Variants in CTNNA3 observed in about 807,000 individuals in gnomAD.
CTNNA3 encodes the protein catenin alpha-3.
CTNNA3 carries 76 observed loss-of-function variants against 95.7 expected under a neutral mutation model. That is an observed-to-expected ratio of 0.79 (90% CI 0.66 to 0.96). The LOEUF is 0.96. CTNNA3 is among the 40% of genes least tolerant of loss of function. The pLI is 0.00. For missense variants in CTNNA3, 1,191 were observed against 1,089.8 expected, an observed-to-expected ratio of 1.09 and a Z score of -1.31; for synonymous variants, 431 against 374.4, an observed-to-expected ratio of 1.15 and a Z score of -1.74.
At chr10:67,507,993 G>T (rs762029142) in intron 5 of CTNNA3, among the ~76,000 whole-genome samples, 11 of 152,238 alleles carry the variant, frequency 7.2e-5, no homozygotes, top group Middle Eastern at 3.4e-3. Flanking sequence ...AGATATAGAA[G>T]GAATGTATTT....
chr10:67,179,698 A>C (rs932567737), intron 7 of CTNNA3, among the ~76,000 whole-genome samples: 1 of 151,898 alleles, frequency 6.6e-6, no homozygotes, highest in African/African-American at 2.4e-5. Context: ...GCATGGTAAC[A>C]CACCTGTAGT....
chr10:67,649,913 C>A (rs1348548346), intron 1 of CTNNA3, among the ~76,000 whole-genome samples: 1 of 152,176 alleles, frequency 6.6e-6, no homozygotes, highest in East Asian at 1.9e-4. Context: ...GATCTCGGCT[C>A]ACCACAACCT....
At chr10:67,283,234 A>C (rs186047585) in intron 5 of CTNNA3, among the ~76,000 whole-genome samples, 1 of 152,318 alleles carries the variant, frequency 6.6e-6, no homozygotes, top group Non-Finnish European at 1.5e-5. Flanking sequence ...GGTGATGGTA[A>C]GGTGGTTGTT....
intron 12 of CTNNA3, among the ~76,000 whole-genome samples, chr10:66,330,514 A>G (rs2092312125): frequency 1.3e-5 from 2 of 152,106 alleles, no homozygotes; most frequent in Admixed American, 6.5e-5. Context: ...TATTGGGAAT[A>G]GTGCCACAGT....
At position 67,352,729 on chromosome 10, in the gene CTNNA3, G is replaced by A. The variant is rs562989466; in HGVS notation, c.580-132859C>T. On this transcript the variant is annotated intron_variant, in intron 5 of 17. Coordinates refer to ENST00000433211, the MANE Select transcript of CTNNA3 (RefSeq NM_013266.4). Reference sequence around the variant, plus strand: ...CAACGGATTAAACAAGTAAAAGTAAGCATTCCGAAATAATGGAACTCCTAC... The same window carrying A: ...CAACGGATTAAACAAGTAAAAGTAAACATTCCGAAATAATGGAACTCCTAC... 1.8e-4 allele frequency among the ~76,000 whole-genome samples: 27 copies of A among 152,034 alleles called. 1 individual carries two copies. Among genetic ancestry groups the A allele is most frequent in the African/African-American group, 6.3e-4 (26 of 41,544 alleles).
At chr10:67,751,545 C>A (rs979610793) in intron 1 of CTNNA3, among the ~76,000 whole-genome samples, 2 of 146,274 alleles carry the variant, frequency 1.4e-5, no homozygotes, top group Non-Finnish European at 3.0e-5. Flanking sequence ...AAATAATGAT[C>A]GTAAAAAAAA....
intron 9 of CTNNA3, among the ~76,000 whole-genome samples, chr10:66,737,528 G>A (rs1266371582): frequency 6.6e-6 from 1 of 152,100 alleles, no homozygotes; most frequent in Non-Finnish European, 1.5e-5. Context: ...TTTCAAGAAT[G>A]TCTTCACATA....
At chr10:66,233,122 T>A (rs1304572905) in intron 13 of CTNNA3, among the ~76,000 whole-genome samples, 1 of 128,624 alleles carries the variant, frequency 7.8e-6, no homozygotes, top group African/African-American at 3.1e-5. Context: ...ATCGCGCCAC[T>A]GCACTCCAGC....
At chr10:66,801,615 T>C (rs1841434378) in intron 7 of CTNNA3, among the ~76,000 whole-genome samples, 1 of 151,584 alleles carries the variant, frequency 6.6e-6, no homozygotes, top group African/African-American at 2.4e-5. Flanking sequence ...AGCAGTCAAA[T>C]AAATAGATCC....
At chr10:67,611,437 C>G (rs902870362) in intron 2 of CTNNA3, among the ~76,000 whole-genome samples, 33 of 152,286 alleles carry the variant, frequency 2.2e-4, no homozygotes, top group African/African-American at 7.7e-4. Flanking sequence ...CCTCAGCCTC[C>G]CAAGTAGCTG....
intron 11 of CTNNA3, among the ~76,000 whole-genome samples, chr10:66,420,833 ATAAAT>A (rs1023636891): frequency 1.3e-5 from 1 of 77,356 alleles, no homozygotes; most frequent in African/African-American, 5.1e-5. Context: ...AAATAAATAA[ATAAAT>A]AAAAAACAAT....
At chr10:66,570,798 C>A (rs1010976774) in intron 10 of CTNNA3, among the ~76,000 whole-genome samples, 2 of 151,962 alleles carry the variant, frequency 1.3e-5, no homozygotes, top group Admixed American at 6.6e-5. Context: ...GAGACATATC[C>A]TTTATCCTCT....
chr10:66,515,329 G>GTCTCTCTCTCTCTC (rs373915427), intron 11 of CTNNA3, among the ~76,000 whole-genome samples: 3 of 128,026 alleles, frequency 2.3e-5, no homozygotes, highest in African/African-American at 5.9e-5. Context: ...CTCCCTCTCT[G>GTCTCTCTCTCTCTC]TCTCTCTCTC....
At chr10:67,613,373 GA>G (rs377684900) in intron 2 of CTNNA3, among the ~76,000 whole-genome samples, 1,838 of 139,040 alleles carry the variant, frequency 0.013, 23 homozygotes, top group African/African-American at 0.04. Flanking sequence ...TTTACTGGAT[GA>G]AAAAAAAAAA....
intron 7 of CTNNA3, among the ~76,000 whole-genome samples, chr10:67,030,601 G>A (rs1409732116): frequency 1.3e-5 from 2 of 151,896 alleles, no homozygotes; most frequent in African/African-American, 4.8e-5. Flanking sequence ...ATCTGATTTT[G>A]CATATTTTCA....
Position 66,115,590 on chromosome 10 carries a change from TAGAGATAG to T in CTNNA3, c.1885-12349_1885-12342del, listed in dbSNP as rs1564660804. Among the ~76,000 whole-genome samples the T allele has an allele frequency of 5.4e-4, 58 of 108,394 alleles. 1 individual carries two copies. Among genetic ancestry groups the T allele is most frequent in the African/African-American group, 3.4e-3 (54 of 16,032 alleles). The allele number at this position is 108,394 out of a possible 152,430, so 71.1% of individuals were successfully genotyped here. A position where few individuals can be genotyped will look rare whatever the true frequency, so the allele number is the denominator to read the frequency against. On this transcript the variant is annotated intron_variant, in intron 13 of 17. Transcript: ENST00000433211. Reference sequence around the variant, plus strand: ...GATAGACAGATAGATGATAGATAGATAGAGATAGAGATAGAGATAGAGATAGAGATAGA... The same window carrying T: ...GATAGACAGATAGATGATAGATAGATAGATAGAGATAGAGATAGAGATAGA...
intron 1 of CTNNA3, among the ~76,000 whole-genome samples, chr10:67,685,464 TC>T (rs1840712813): frequency 6.6e-6 from 1 of 152,254 alleles, no homozygotes; most frequent in African/African-American, 2.4e-5. Context: ...GAACCATCTA[TC>T]GTCCTGTCCT....
intron 5 of CTNNA3, among the ~76,000 whole-genome samples, chr10:67,323,039 A>T (rs1290397169): frequency 6.6e-6 from 1 of 152,052 alleles, no homozygotes; most frequent in Non-Finnish European, 1.5e-5. Flanking sequence ...ATGTCTGTTC[A>T]TGTCATTTGC....
chr10:66,240,703 A>G (rs1460512545), intron 13 of CTNNA3, among the ~76,000 whole-genome samples: 1 of 152,076 alleles, frequency 6.6e-6, no homozygotes, highest in Non-Finnish European at 1.5e-5. Flanking sequence ...GCTTAAAAAC[A>G]TCAAGCTAAA....
Sources: allele counts gnomAD v4.1 joint callset (sites outside exome capture counted in the v4.1 genomes callset), GRCh38; gene constraint gnomAD v4.1.1; transcripts MANE v1.5; gene names NCBI Gene and HGNC (gene_info 2026-07-23, HGNC 2026-07-21).